VPS37A: variants seen among roughly 807,000 people sequenced by gnomAD.
VPS37A encodes vacuolar protein sorting-associated protein 37A.
In VPS37A, 30 loss-of-function variants were observed where a neutral mutation model predicts 49.8. That is an observed-to-expected ratio of 0.60 (90% CI 0.45 to 0.82). VPS37A has a LOEUF of 0.82. VPS37A is among the 40% of genes least tolerant of loss of function. The pLI, the probability that VPS37A is intolerant of heterozygous loss-of-function variation, is 0.00. For synonymous variants in VPS37A, 195 were observed against 160.6 expected (o/e 1.21, Z -1.62); for missense variants, 593 against 464.4 (o/e 1.28, Z -2.55).
chr8:17,255,109 C>G (rs1439491328), intron 1 of VPS37A, among the ~76,000 whole-genome samples: 1 of 152,178 alleles, frequency 6.6e-6, no homozygotes, highest in Admixed American at 6.5e-5. Flanking sequence ...TTGCAGGATG[C>G]TGGATATATG....
At chr8:17,288,231 T>G (rs955584614) in intron 11 of VPS37A, among the ~76,000 whole-genome samples, 1 of 152,284 alleles carries the variant, frequency 6.6e-6, no homozygotes, top group South Asian at 2.1e-4. Flanking sequence ...TCTTTTTTAT[T>G]ATTATTATGC....
At chr8:17,308,532 A>C in the VPS37A span, among the ~76,000 whole-genome samples, 3 of 152,246 alleles carry the variant, frequency 2.0e-5, no homozygotes, top group African/African-American at 7.2e-5. Context: ...AAGAAAACAC[A>C]GTAAAACTTC....
At chr8:17,315,705 AG>A in the VPS37A span, among the ~76,000 whole-genome samples, 1 of 152,130 alleles carries the variant, frequency 6.6e-6, no homozygotes, top group Non-Finnish European at 1.5e-5. Context: ...ATGTCTCTTA[AG>A]AAAAAAAAAC....
downstream of VPS37A, chr8:17,299,788 A>AT (rs1816983934): frequency 6.4e-7 from 1 of 1,561,274 alleles, no homozygotes; most frequent in Non-Finnish European, 8.7e-7. Context: ...TGTTTTTACA[A>AT]TAAACCACCT....
Position 17,286,390 on chromosome 8 carries a change from C to A in VPS37A, c.1157C>A (p.Ala386Glu). The change falls in exon 11 of 12, where the codon GCG (alanine) becomes GAG (glutamate). Residue 386 changes from alanine (A) to glutamate (E), a missense_variant. Ala to Glu is a moderately radical substitution (Grantham distance 107). Coordinates refer to ENST00000324849, the MANE Select transcript of VPS37A (RefSeq NM_152415.3). ...RRAKEEKLQQ[A>E]IAMHSQFHAP... ...GCCAAGGAAGAGAAACTTCAGCAGG[C>A]GATAGCAATGCACAGCCAATTTCAT... is the stretch of plus-strand genomic sequence containing the variant. 6.2e-7 allele frequency: 1 copy of A among 1,613,740 alleles called. No individual in the cohort carries two copies. The highest frequency in any genetic ancestry group is 8.5e-7 in the Non-Finnish European group (1 of 1,179,850).
chr8:17,258,511 C>G (rs188692965), intron 1 of VPS37A, among the ~76,000 whole-genome samples: 6 of 152,078 alleles, frequency 3.9e-5, no homozygotes, highest in African/African-American at 1.2e-4. Flanking sequence ...GGTGAATGAT[C>G]TTTTTTAATG....
chr8:17,310,945 A>G, the VPS37A span, among the ~76,000 whole-genome samples: 1 of 152,184 alleles, frequency 6.6e-6, no homozygotes, highest in African/African-American at 2.4e-5. Flanking sequence ...GCAACGTTAC[A>G]TTTGATGCCC....
intron 1 of VPS37A, among the ~76,000 whole-genome samples, chr8:17,265,202 A>T (rs1029795063): frequency 1.3e-5 from 2 of 152,184 alleles, no homozygotes; most frequent in African/African-American, 4.8e-5. Flanking sequence ...CCTAGATCCA[A>T]GGAGGAAGTA....
chr8:17,323,086 T>C, the VPS37A span, among the ~76,000 whole-genome samples: 1 of 151,726 alleles, frequency 6.6e-6, no homozygotes, highest in Non-Finnish European at 1.5e-5. Context: ...TAGCTGGGAC[T>C]ACAGGCATAC....
intron 3 of VPS37A, among the ~76,000 whole-genome samples, chr8:17,268,638 T>G (rs564271578): frequency 6.6e-6 from 1 of 152,310 alleles, no homozygotes; most frequent in South Asian, 2.1e-4. Flanking sequence ...TTTGGCTCCA[T>G]TTTTTATTCA....
At chr8:17,248,428 C>G (rs1445490058) in intron 1 of VPS37A, 3 of 453,020 alleles carry the variant, frequency 6.6e-6, no homozygotes, top group Non-Finnish European at 1.3e-5. Flanking sequence ...GTGCGCGCCA[C>G]CATGCGCGGC....
At chr8:17,305,772 T>C, downstream of VPS37A, 1 of 1,611,694 alleles carries the variant, frequency 6.2e-7, no homozygotes, top group Non-Finnish European at 8.5e-7. Flanking sequence ...TTCTCGTCTC[T>C]CCTTTTGGCT....
intron 11 of VPS37A, among the ~76,000 whole-genome samples, chr8:17,287,854 T>C (rs1273512013): frequency 6.6e-6 from 1 of 152,068 alleles, no homozygotes; most frequent in African/African-American, 2.4e-5. Flanking sequence ...CAGTTTGGCC[T>C]GGAAATTGGT....
chr8:17,288,814 G>A (rs138399834), intron 11 of VPS37A, among the ~76,000 whole-genome samples: 2,144 of 152,268 alleles, frequency 0.014, 37 homozygotes, highest in Middle Eastern at 0.041. Flanking sequence ...CATAATGGTT[G>A]AACTAATTTA....
At chr8:17,271,977 TCA>T (rs1305050363) in intron 4 of VPS37A, 1 of 456,556 alleles carries the variant, frequency 2.2e-6, no homozygotes, top group Non-Finnish European at 4.4e-6. Flanking sequence ...CTCTCTCTTC[TCA>T]CATTTTACTA....
chr8:17,302,719 T>A (rs1241254869), downstream of VPS37A, among the ~76,000 whole-genome samples: 1 of 8,564 alleles, frequency 1.2e-4, no homozygotes, highest in African/African-American at 1.9e-4. Flanking sequence ...CCCCCCCCGC[T>A]TTTTTTTTTA....
the VPS37A span, among the ~76,000 whole-genome samples, chr8:17,320,567 T>C: frequency 1.3e-5 from 2 of 152,082 alleles, no homozygotes; most frequent in Non-Finnish European, 2.9e-5. Flanking sequence ...CATAAAGTAA[T>C]GTACCCAGGG....
At chr8:17,281,352 C>T (rs1397406666) in intron 9 of VPS37A, among the ~76,000 whole-genome samples, 2 of 151,968 alleles carry the variant, frequency 1.3e-5, no homozygotes, top group African/African-American at 4.8e-5. Context: ...AGGAGTGTAA[C>T]CTAAGCAGTC....
intron 4 of VPS37A, chr8:17,272,207 TA>T (rs1401384494): frequency 2.6e-6 from 1 of 389,712 alleles, no homozygotes. Flanking sequence ...TAGACCTTCA[TA>T]ATCTTCTGAG....
Sources: gnomAD v4.1 joint callset for allele counts (sites outside exome capture counted in the v4.1 genomes callset) on GRCh38, gnomAD v4.1.1 for gene constraint, MANE v1.5 for transcripts, NCBI Gene and HGNC (gene_info 2026-07-23, HGNC 2026-07-21) for gene names.